Variants in PIK3CG observed in about 807,000 individuals in gnomAD.
PIK3CG encodes phosphatidylinositol 4,5-bisphosphate 3-kinase catalytic subunit gamma isoform.
A neutral mutation model predicts 102.3 loss-of-function variants in PIK3CG; 55 were observed. The observed-to-expected ratio is 0.54, with a 90% confidence interval of 0.43 to 0.67. The LOEUF (loss-of-function observed/expected upper bound fraction) is 0.67, where lower values mean the gene tolerates loss of function less well. Ranked by LOEUF, PIK3CG falls within the 30% of genes least tolerant of loss-of-function variation. The pLI is 0.00. For synonymous variants in PIK3CG, 552 were observed against 540.0 expected (o/e 1.02, Z -0.31); for missense variants, 1,258 against 1,391.8 (o/e 0.90, Z 1.53).
Position 106,906,851 on chromosome 7 carries a change from T to A in PIK3CG, c.*1464T>A. ...CTTTTCTTTTTTTTTTTTTTTTTAA[T>A]GTGTGCAAAAGCCCAAAGGTTCCTA... On this transcript the variant is annotated 3_prime_UTR_variant, in exon 11 of 11. Coordinates refer to ENST00000496166, the MANE Select transcript of PIK3CG (RefSeq NM_001282426.2). 1 of 219,298 alleles carries A rather than the reference T, an allele frequency of 4.6e-6. No individual in the cohort carries two copies. Among genetic ancestry groups the A allele is most frequent in the Non-Finnish European group, 9.0e-6 (1 of 111,116 alleles). The allele number at this position is 219,298 out of a possible 1,614,324, so 13.6% of individuals were successfully genotyped here. A position where few individuals can be genotyped will look rare whatever the true frequency, so the allele number is the denominator to read the frequency against.
rs184355382 is a variant in PIK3CG at position 106,865,667 on chromosome 7, A to C, written c.-13+241A>C. 3 of 152,372 alleles carry C rather than the reference A, an allele frequency of 2.0e-5. No homozygotes were observed. The East Asian group carries it at 5.8e-4, about 29-fold the overall frequency. 9.4% of individuals were successfully genotyped at this position (152,372 alleles called of 1,614,324 possible). ...GAGGAAAAGGGAGGGCACGGCAGCCAGGCTTCATATTCCTACAAGTGCATG... is the reference window on the plus strand; with the variant it reads ...GAGGAAAAGGGAGGGCACGGCAGCCCGGCTTCATATTCCTACAAGTGCATG... On this transcript the variant is annotated intron_variant, in intron 1 of 10. Coordinates refer to ENST00000496166, the MANE Select transcript of PIK3CG (RefSeq NM_001282426.2).
rs2116433916 is a variant in PIK3CG at position 106,868,218 on chromosome 7, C to G, written c.657C>G (p.Cys219Trp). 2.5e-6 allele frequency: 4 copies of G among 1,612,552 alleles called. No homozygotes were observed. Among genetic ancestry groups the G allele is most frequent in the Non-Finnish European group, 3.4e-6 (4 of 1,180,010 alleles). The change falls in exon 2 of 11, where the codon TGC (cysteine) becomes TGG (tryptophan). Residue 219 changes from cysteine to tryptophan, a missense_variant. By Grantham distance (215) the Cys-to-Trp change is radical (BLOSUM62 -2). Coordinates refer to ENST00000496166, the MANE Select transcript of PIK3CG (RefSeq NM_001282426.2). The surrounding 1 kb of genome is among the most constrained non-coding windows in gnomAD (Gnocchi z 6.2). ...EYLWKKIANN[C>W]IFIVIHRSTT... is the part of the protein sequence containing the mutation. Reference sequence around the variant, plus strand: ...TGTGGAAGAAGATTGCCAACAACTGCATCTTCATCGTCATTCACCGCAGCA... The same window carrying G: ...TGTGGAAGAAGATTGCCAACAACTGGATCTTCATCGTCATTCACCGCAGCA...
intron 10 of PIK3CG, 99 bp downstream of exon 10, chr7:106,886,391 T>TTTCAGGTAAGTCA: frequency 8.3e-7 from 1 of 1,199,976 alleles, no homozygotes; most frequent in Non-Finnish European, 1.2e-6. Context: ...TGGAGGCCAG[T>TTTCAGGTAAGTCA]CCAGCCTCTA....
At position 106,880,286 on chromosome 7, in the gene PIK3CG, G is replaced by A. The variant is rs1046846524; in HGVS notation, c.2538+621G>A. Among the ~76,000 whole-genome samples the A allele has an allele frequency of 2.0e-5, 3 of 152,230 alleles. No homozygotes were observed. The highest frequency in any genetic ancestry group is 4.4e-5 in the Non-Finnish European group (3 of 68,044). ...CTCCAGATTCTAGTTGGTCAGTGTT[G>A]TAGAGGTAATAATTTCTAATACTTA... On this transcript the variant is annotated intron_variant, in intron 6 of 10. Coordinates refer to ENST00000496166, the MANE Select transcript of PIK3CG (RefSeq NM_001282426.2). This position sits in a 1 kb window ranked among gnomAD's most constrained non-coding sequence, Gnocchi z 4.2.
Position 106,880,577 on chromosome 7 carries a change from A to ATTGT in PIK3CG, c.2538+916_2538+919dup, listed in dbSNP as rs1171420539. ...CAAATAAATCTGTAGAATATTTTGA[A>ATTGT]TTGTTTGAAGATGGACACTTTAAAA... On this transcript the variant is annotated intron_variant, in intron 6 of 10. Transcript: ENST00000496166. This position sits in a 1 kb window ranked among gnomAD's most constrained non-coding sequence, Gnocchi z 4.2. Among the ~76,000 whole-genome samples, 1 of 152,238 alleles carries ATTGT rather than the reference A, an allele frequency of 6.6e-6. No individual in the cohort carries two copies. The highest frequency in any genetic ancestry group is 1.5e-5 in the Non-Finnish European group (1 of 68,036).
In PIK3CG at chr7:106,886,244, G is replaced by A. The variant is rs1238938179; in HGVS notation, c.2982G>A (p.Val994=). ...TGCTAACCCCTGACTTCCTCTTTGT[G>A]ATGGGAACTTCTGGAAAGAAGACAA... The part of the protein sequence containing the change: ...PFVLTPDFLF[V]MGTSGKKTSP... The change falls in exon 10 of 11, where the codon GTG becomes GTA. Residue 994 remains valine, a synonymous_variant. Coordinates refer to ENST00000496166, the MANE Select transcript of PIK3CG (RefSeq NM_001282426.2). 1.2e-6 allele frequency: 2 copies of A among 1,614,178 alleles called. No homozygotes were observed. The highest frequency in any genetic ancestry group is 1.7e-6 in the Non-Finnish European group (2 of 1,180,018).
chr7:106,888,271 C>T lies in PIK3CG; in HGVS notation c.3030+1979C>T, dbSNP rs559493104. On this transcript the variant is annotated intron_variant, in intron 10 of 10. Transcript: ENST00000496166. ...CTTCTTTTTGTATATATGTTATCTT[C>T]CTTTTTGCCAGTAATTTTTCCTAGA... is the stretch of plus-strand genomic sequence containing the variant. Among the ~76,000 whole-genome samples, 8 of 152,222 alleles carry T rather than the reference C, an allele frequency of 5.3e-5. No individual in the cohort carries two copies. In the East Asian group the frequency reaches 1.5e-3, roughly 29 times the overall value.
chr7:106,870,652 A>G (rs1790503748), intron 2 of PIK3CG, among the ~76,000 whole-genome samples: 4 of 152,222 alleles, frequency 2.6e-5, no homozygotes, highest in South Asian at 2.1e-4. Flanking sequence ...AGTAAGTGAC[A>G]TTTGACCTGA....
intron 2 of PIK3CG, among the ~76,000 whole-genome samples, chr7:106,871,358 C>T (rs1026386003): frequency 1.3e-5 from 2 of 152,226 alleles, no homozygotes; most frequent in African/African-American, 2.4e-5. Flanking sequence ...GATGCAGCTA[C>T]AGTGGCACCT....
rs2116461898 is a variant in PIK3CG, at chr7:106,869,274, C to T, written c.1713C>T (p.Asp571=). The T allele has an allele frequency of 6.2e-7, 1 of 1,614,198 alleles. No individual in the cohort carries two copies. Residue 571 remains aspartate, a synonymous_variant, in exon 2 of 11, where the codon GAC becomes GAT. Coordinates refer to ENST00000496166, the MANE Select transcript of PIK3CG (RefSeq NM_001282426.2). This position sits in a 1 kb window ranked among gnomAD's most constrained non-coding sequence, Gnocchi z 5.3. ...TDPLNPLTAE[D]KELLWHFRYE... ...CACTTAACCCTCTCACAGCAGAGGACAAAGAATTGCTCTGGCATTTTAGAT... is the reference window on the plus strand; with the variant it reads ...CACTTAACCCTCTCACAGCAGAGGATAAAGAATTGCTCTGGCATTTTAGAT...
chr7:106,878,338 G>A (rs563639665), intron 5 of PIK3CG, among the ~76,000 whole-genome samples: 16 of 152,210 alleles, frequency 1.1e-4, no homozygotes, highest in African/African-American at 3.4e-4. Flanking sequence ...CCTGGTATGG[G>A]TTTCCTTTGT....
Position 106,880,988 on chromosome 7 carries a change from A to G in PIK3CG, c.2539-1129A>G, listed in dbSNP as rs1316101373. Among the ~76,000 whole-genome samples the G allele has an allele frequency of 6.6e-6, 1 of 152,066 alleles. No homozygotes were observed. ...CTTTCCCTTCCTCATAAGAAAACCA[A>G]CAGTGTGGACCTGGAAAATAGCTCT... On this transcript the variant is annotated intron_variant, in intron 6 of 10. Transcript: ENST00000496166. This position sits in a 1 kb window ranked among gnomAD's most constrained non-coding sequence, Gnocchi z 4.2.
rs2116433549 is a variant in PIK3CG, at chr7:106,868,206, T to C, written c.645T>C (p.Ile215=). 1 of 1,612,318 alleles carries C rather than the reference T, an allele frequency of 6.2e-7. No homozygotes were observed. Among genetic ancestry groups the C allele is most frequent in the Non-Finnish European group, 8.5e-7 (1 of 1,180,012 alleles). ...TCCCGGAGTACCTGTGGAAGAAGAT[T>C]GCCAACAACTGCATCTTCATCGTCA... ...KPLPEYLWKK[I]ANNCIFIVIH... The change falls in exon 2 of 11, where the codon ATT becomes ATC. Residue 215 remains isoleucine (I), a synonymous_variant. Coordinates refer to ENST00000496166, the MANE Select transcript of PIK3CG (RefSeq NM_001282426.2). The surrounding 1 kb of genome is among the most constrained non-coding windows in gnomAD (Gnocchi z 6.2).
rs182548706 is a variant in PIK3CG, at chr7:106,867,174, T to G, written c.-12-376T>G. On this transcript the variant is annotated intron_variant, in intron 1 of 10. Transcript: ENST00000496166. This position sits in a 1 kb window ranked among gnomAD's most constrained non-coding sequence, Gnocchi z 5.1. ...CTGGATGAGTGTTTTACCTACCTCTTTAAAATTTTCAAAGTATACAAAAGT... is the reference window on the plus strand; with the variant it reads ...CTGGATGAGTGTTTTACCTACCTCTGTAAAATTTTCAAAGTATACAAAAGT... Among the ~76,000 whole-genome samples the G allele has an allele frequency of 6.6e-6, 1 of 152,310 alleles. No individual in the cohort carries two copies. Among genetic ancestry groups the G allele is most frequent in the Admixed American group, 6.5e-5 (1 of 15,306 alleles).
rs1219929719 is a variant in PIK3CG, at chr7:106,884,640, C to T, written c.2872+374C>T. On this transcript the variant is annotated intron_variant, in intron 9 of 10. Coordinates refer to ENST00000496166, the MANE Select transcript of PIK3CG (RefSeq NM_001282426.2). The surrounding 1 kb of genome is among the most constrained non-coding windows in gnomAD (Gnocchi z 4.2). ...GGCTTCTTGGAAGACACCTTTTCCACGGACAGGGGTGGGGGAGCAAGGATG... is the reference window on the plus strand; with the variant it reads ...GGCTTCTTGGAAGACACCTTTTCCATGGACAGGGGTGGGGGAGCAAGGATG... Among the ~76,000 whole-genome samples the T allele has an allele frequency of 1.3e-5, 2 of 152,124 alleles. No individual in the cohort carries two copies. Among genetic ancestry groups the T allele is most frequent in the Non-Finnish European group, 2.9e-5 (2 of 68,002 alleles).
At chr7:106,888,339 C>A (rs548779360) in intron 10 of PIK3CG, among the ~76,000 whole-genome samples, 1 of 152,294 alleles carries the variant, frequency 6.6e-6, no homozygotes, top group African/African-American at 2.4e-5. Context: ...TTCCCATAGA[C>A]CCCCTGGTGC....
At chr7:106,886,104 G>T (rs1299743543) in intron 9 of PIK3CG, 31 bp from the exon 10 acceptor site, 2 of 1,602,308 alleles carry the variant, frequency 1.2e-6, no homozygotes, top group Non-Finnish European at 1.7e-6. Flanking sequence ...CTGTGCCACT[G>T]TAATGATGTC....
Position 106,868,062 on chromosome 7 carries a change from C to T in PIK3CG, c.501C>T (p.Asn167=), listed in dbSNP as rs756855217. The change falls in exon 2 of 11, where the codon AAC becomes AAT. Residue 167 remains asparagine (N), a synonymous_variant. Transcript: ENST00000496166. This position sits in a 1 kb window ranked among gnomAD's most constrained non-coding sequence, Gnocchi z 6.2. The part of the protein sequence containing the change: ...LIGYDVTDVS[N]VHDDELEFTR... Reference sequence around the variant, plus strand: ...GCTATGACGTCACTGACGTCAGCAACGTGCACGACGATGAGCTGGAGTTCA... The same window carrying T: ...GCTATGACGTCACTGACGTCAGCAATGTGCACGACGATGAGCTGGAGTTCA... The T allele has an allele frequency of 4.3e-6, 7 of 1,612,710 alleles. No homozygotes were observed. Among genetic ancestry groups the T allele is most frequent in the African/African-American group, 1.3e-5 (1 of 74,922 alleles).
chr7:106,872,961 G>C lies in PIK3CG; in HGVS notation c.2287+23G>C, dbSNP rs561827795. 2 of 1,517,554 alleles carry C rather than the reference G, an allele frequency of 1.3e-6. No individual in the cohort carries two copies. Among genetic ancestry groups the C allele is most frequent in the Admixed American group, 1.7e-5 (1 of 59,634 alleles). The allele number at this position is 1,517,554 out of a possible 1,614,324, so 94.0% of individuals were successfully genotyped here. A position where few individuals can be genotyped will look rare whatever the true frequency, so the allele number is the denominator to read the frequency against. On this transcript the variant is annotated intron_variant, in intron 4 of 10. Transcript: ENST00000496166. This position sits in a 1 kb window ranked among gnomAD's most constrained non-coding sequence, Gnocchi z 5.3. ...AAGGTACGGTGGCTATATTTTCTGT[G>C]TTCTCTTTCCAAATGCCTTCATCTC...
Sources: allele counts gnomAD v4.1 joint callset (sites outside exome capture counted in the v4.1 genomes callset), GRCh38; gene constraint gnomAD v4.1.1; non-coding constraint Gnocchi (gnomAD v3.1); transcripts MANE v1.5; gene names NCBI Gene and HGNC (gene_info 2026-07-23, HGNC 2026-07-21).